NELL1: variants seen among roughly 807,000 people sequenced by gnomAD.
NELL1 encodes the protein protein kinase C-binding protein NELL1.
In NELL1, 76 loss-of-function variants were observed where a neutral mutation model predicts 107.4. That is an observed-to-expected ratio of 0.71 (90% CI 0.59 to 0.86). The LOEUF (loss-of-function observed/expected upper bound fraction) is 0.86. NELL1 is among the 40% of genes least tolerant of loss of function. NELL1 has a pLI of 0.00. For synonymous variants in NELL1, 353 were observed against 341.2 expected (o/e 1.03, Z -0.38); for missense variants, 1,024 against 1,005.5 (o/e 1.02, Z -0.25).
At chr11:21,349,993 C>A (rs6483768) in intron 14 of NELL1, among the ~76,000 whole-genome samples, 104,092 of 151,990 alleles carry the variant, frequency 0.68, 35,956 homozygotes, top group Non-Finnish European at 0.75. Flanking sequence ...ACTTGCTGTC[C>A]AACATAGCCA....
chr11:21,500,796 A>G (rs181735589), intron 15 of NELL1, among the ~76,000 whole-genome samples: 28 of 152,208 alleles, frequency 1.8e-4, no homozygotes, highest in African/African-American at 6.5e-4. Flanking sequence ...CCTCATTTGA[A>G]CTTTATTCCT....
chr11:20,948,877 T>C (rs980001946), intron 11 of NELL1, among the ~76,000 whole-genome samples: 2 of 152,126 alleles, frequency 1.3e-5, no homozygotes, highest in Non-Finnish European at 2.9e-5. Context: ...CCTTTTAATC[T>C]GAGCTTTGAA....
At chr11:21,397,024 A>G (rs1377810782) in intron 15 of NELL1, among the ~76,000 whole-genome samples, 1 of 151,726 alleles carries the variant, frequency 6.6e-6, no homozygotes, top group Non-Finnish European at 1.5e-5. Flanking sequence ...ATAGTAGCAG[A>G]GTTGAGGACA....
At chr11:20,680,826 A>T (rs551068379) in intron 2 of NELL1, among the ~76,000 whole-genome samples, 1 of 152,232 alleles carries the variant, frequency 6.6e-6, no homozygotes, top group Non-Finnish European at 1.5e-5. Context: ...TTTGTCAGAC[A>T]TCTTTCATTG....
At chr11:21,170,565 C>G (rs1856582412) in intron 13 of NELL1, among the ~76,000 whole-genome samples, 1 of 151,596 alleles carries the variant, frequency 6.6e-6, no homozygotes, top group African/African-American at 2.4e-5. Context: ...ACTATATGCA[C>G]TTTTGTAAGC....
rs535361731 is a variant in NELL1 at position 21,450,880 on chromosome 11, A to G, written c.1645+79932A>G. Among the ~76,000 whole-genome samples the G allele has an allele frequency of 1.6e-4, 25 of 152,248 alleles. No homozygotes were observed. In the South Asian group the frequency reaches 4.8e-3, roughly 29 times the overall value. ...CATACATTTTATTAAATAACTGCAC[A>G]TATATTTTTAGAAAGAAATGGAGGG... On this transcript the variant is annotated intron_variant, in intron 15 of 19. Transcript: ENST00000357134.
chr11:20,722,769 A>C (rs982313226), intron 2 of NELL1, among the ~76,000 whole-genome samples: 1 of 152,188 alleles, frequency 6.6e-6, no homozygotes, highest in African/African-American at 2.4e-5. Context: ...AGCAAGCCAT[A>C]GTTGCCTGGC....
At chr11:20,771,100 C>T (rs1331443790) in intron 2 of NELL1, among the ~76,000 whole-genome samples, 2 of 152,086 alleles carry the variant, frequency 1.3e-5, no homozygotes, top group South Asian at 2.1e-4. Context: ...TCCCCAAGTG[C>T]AGGCTTCTGC....
At chr11:21,132,738 C>T (rs144397704) in intron 13 of NELL1, among the ~76,000 whole-genome samples, 133 of 149,892 alleles carry the variant, frequency 8.9e-4, no homozygotes, top group African/African-American at 3.0e-3. Context: ...CCTGAAGGGT[C>T]GAAGCTCTTC....
intron 12 of NELL1, among the ~76,000 whole-genome samples, chr11:21,066,752 C>T (rs1853881905): frequency 6.6e-6 from 1 of 151,932 alleles, no homozygotes; most frequent in African/African-American, 2.4e-5. Flanking sequence ...GAATTAGAAA[C>T]CAGCCTGGCT....
intron 15 of NELL1, among the ~76,000 whole-genome samples, chr11:21,438,267 G>GTTT (rs758677948): frequency 6.8e-6 from 1 of 147,022 alleles, no homozygotes. Context: ...CAGTTTTTTT[G>GTTT]TTTGTTTGTT....
intron 17 of NELL1, among the ~76,000 whole-genome samples, chr11:21,560,933 A>T (rs1365331876): frequency 6.6e-6 from 1 of 152,030 alleles, no homozygotes; most frequent in Non-Finnish European, 1.5e-5. Flanking sequence ...GCCATTCCTT[A>T]TATTAAGTTG....
chr11:20,960,989 A>T (rs1463993865), intron 12 of NELL1, among the ~76,000 whole-genome samples: 2 of 152,172 alleles, frequency 1.3e-5, no homozygotes, highest in Non-Finnish European at 2.9e-5. Context: ...CCTTGACCTG[A>T]CAAGATCAGG....
chr11:21,129,278 C>A (rs1488191660), intron 13 of NELL1, among the ~76,000 whole-genome samples: 3 of 152,052 alleles, frequency 2.0e-5, no homozygotes, highest in Non-Finnish European at 4.4e-5. Flanking sequence ...GGAACTGGAA[C>A]CCTCGTGCAC....
At chr11:20,915,896 A>T (rs1487633210) in intron 5 of NELL1, among the ~76,000 whole-genome samples, 1 of 150,950 alleles carries the variant, frequency 6.6e-6, no homozygotes, top group African/African-American at 2.4e-5. Context: ...AGACCTTCTG[A>T]TTCTTATTCT....
chr11:21,553,919 C>A (rs903724407), intron 16 of NELL1, among the ~76,000 whole-genome samples: 7 of 151,822 alleles, frequency 4.6e-5, no homozygotes, highest in African/African-American at 1.4e-4. Flanking sequence ...AATATAATGG[C>A]TATAACAATA....
chr11:21,337,837 T>TTTCTTTCTTTTCTTTCTTTC (rs71034505), intron 14 of NELL1, among the ~76,000 whole-genome samples: 2 of 86,616 alleles, frequency 2.3e-5, no homozygotes, highest in African/African-American at 4.7e-5. Context: ...TCTTTCTTTC[T>TTTCTTTCTTTTCTTTCTTTC]TTTCTTTCTT....
chr11:21,186,760 G>A (rs1423878442), intron 13 of NELL1, among the ~76,000 whole-genome samples: 1 of 151,774 alleles, frequency 6.6e-6, no homozygotes, highest in Admixed American at 6.6e-5. Flanking sequence ...GCACTGGGGA[G>A]GTCTAAAATT....
intron 4 of NELL1, among the ~76,000 whole-genome samples, chr11:20,875,898 C>T (rs949640785): frequency 5.3e-5 from 8 of 152,180 alleles, no homozygotes; most frequent in African/African-American, 1.2e-4. Context: ...AAAGCATGAA[C>T]GTGACAAGGG....
Sources: allele counts gnomAD v4.1 joint callset (sites outside exome capture counted in the v4.1 genomes callset), GRCh38; gene constraint gnomAD v4.1.1; transcripts MANE v1.5; gene names NCBI Gene and HGNC (gene_info 2026-07-23, HGNC 2026-07-21).